Variants in AGPAT4 observed in about 807,000 individuals in gnomAD.
The protein encoded by AGPAT4 is 1-acyl-sn-glycerol-3-phosphate acyltransferase delta.
A neutral mutation model predicts 48.0 loss-of-function variants in AGPAT4; 15 were observed. The ratio of observed to expected loss-of-function variants is 0.31; its 90% confidence interval spans 0.21 to 0.48. The LOEUF is 0.48. Ranked by LOEUF, AGPAT4 falls within the 20% of genes least tolerant of loss-of-function variation. The pLI is 0.99. For synonymous variants in AGPAT4, 178 were observed against 198.7 expected, an observed-to-expected ratio of 0.90 and a Z score of 0.88; for missense variants, 314 against 482.5, an observed-to-expected ratio of 0.65 and a Z score of 3.27.
Position 161,267,647 on chromosome 6 carries a change from A to G in AGPAT4, c.-90+6291T>C, listed in dbSNP as rs1192720224. 2.0e-5 allele frequency among the ~76,000 whole-genome samples: 3 copies of G among 151,820 alleles called. No individual in the cohort carries two copies. Among genetic ancestry groups the G allele is most frequent in the African/African-American group, 7.3e-5 (3 of 41,322 alleles). On this transcript the variant is annotated intron_variant, in intron 1 of 8. Coordinates refer to ENST00000320285, the MANE Select transcript of AGPAT4 (RefSeq NM_020133.3). The surrounding 1 kb of genome is among the most constrained non-coding windows in gnomAD (Gnocchi z 5.2). ...TGAGGCAGGAGAATCGCTTGAACCC[A>G]GGAGGCAGAGGTTGCAGTGAGCCAA...
In AGPAT4 at chr6:161,146,984, G is replaced by A. The variant is rs12201823; in HGVS notation, c.768-385C>T. On this transcript the variant is annotated intron_variant, in intron 6 of 8. Coordinates refer to ENST00000320285, the MANE Select transcript of AGPAT4 (RefSeq NM_020133.3). The surrounding 1 kb of genome is among the most constrained non-coding windows in gnomAD (Gnocchi z 7.1). The stretch of plus-strand genomic sequence containing the variant: ...GAGACAATCCAATATACACAGAATC[G>A]ATGCATCAGAGACAATAACCTAGTA... 1.3e-5 allele frequency among the ~76,000 whole-genome samples: 2 copies of A among 152,216 alleles called. No homozygotes were observed. The highest frequency in any genetic ancestry group is 2.1e-4 in the South Asian group (1 of 4,824).
At chr6:161,247,972 ACT>A (rs1450778180) in intron 1 of AGPAT4, among the ~76,000 whole-genome samples, 2 of 117,216 alleles carry the variant, frequency 1.7e-5, no homozygotes, top group African/African-American at 3.6e-5. Context: ...ACAGAGTAAG[ACT>A]CTGTCTCAAA....
In AGPAT4 at chr6:161,154,443, T is replaced by C. The variant is rs1254784428; in HGVS notation, c.349-133A>G. 2 of 1,018,928 alleles carry C rather than the reference T, an allele frequency of 2.0e-6. No individual in the cohort carries two copies. Among genetic ancestry groups the C allele is most frequent in the East Asian group, 2.6e-5 (1 of 37,968 alleles). 63.1% of individuals were successfully genotyped at this position (1,018,928 alleles called of 1,614,324 possible). A position where few individuals can be genotyped will look rare whatever the true frequency, so the allele number is the denominator to read the frequency against. ...CGCCTCGGGACAGTCCCAGAACACATGCTGTCGAGGCCATGGACCCTGGTG... is the reference window on the plus strand; with the variant it reads ...CGCCTCGGGACAGTCCCAGAACACACGCTGTCGAGGCCATGGACCCTGGTG... On this transcript the variant is annotated intron_variant, in intron 3 of 8. Transcript: ENST00000320285. The surrounding 1 kb of genome is among the most constrained non-coding windows in gnomAD (Gnocchi z 7.8).
In AGPAT4 at chr6:161,136,306, C is replaced by A. The variant is rs1439655176; in HGVS notation, c.*234G>T. ...CACTCACCACACAGCCATTCTCACA[C>A]ACACTCGCACAAAAAGAAAACCAAA... On this transcript the variant is annotated 3_prime_UTR_variant, in exon 9 of 9. Transcript: ENST00000320285. 1 of 536,104 alleles carries A rather than the reference C, an allele frequency of 1.9e-6. No individual in the cohort carries two copies. The allele number at this position is 536,104 out of a possible 1,614,324, so 33.2% of individuals were successfully genotyped here. A position where few individuals can be genotyped will look rare whatever the true frequency, so the allele number is the denominator to read the frequency against.
intron 1 of AGPAT4, among the ~76,000 whole-genome samples, chr6:161,271,198 T>C (rs1169888218): frequency 6.6e-6 from 1 of 150,880 alleles, no homozygotes; most frequent in Non-Finnish European, 1.5e-5. Context: ...TCTCCCTTCT[T>C]GGAGTTAAGA....
In AGPAT4 at chr6:161,189,479, C is replaced by T. The variant is rs556534195; in HGVS notation, c.179-23062G>A. ...CTGTAGCCACACAGTGAGTGAGGCT[C>T]GTCACATGCGGAATTCACTTACTTA... On this transcript the variant is annotated intron_variant, in intron 2 of 8. Transcript: ENST00000320285. The surrounding 1 kb of genome is among the most constrained non-coding windows in gnomAD (Gnocchi z 5.3). Among the ~76,000 whole-genome samples, 3 of 152,292 alleles carry T rather than the reference C, an allele frequency of 2.0e-5. No individual in the cohort carries two copies. Among genetic ancestry groups the T allele is most frequent in the East Asian group, 1.9e-4 (1 of 5,188 alleles).
chr6:161,241,503 T>C (rs1782489746), intron 1 of AGPAT4, among the ~76,000 whole-genome samples: 1 of 152,156 alleles, frequency 6.6e-6, no homozygotes. Context: ...GTCAGGTCTA[T>C]GGAAAAGTGA....
rs1004733955 is a variant in AGPAT4 at position 161,197,288 on chromosome 6, G to A, written c.179-30871C>T. Among the ~76,000 whole-genome samples, 1 of 152,118 alleles carries A rather than the reference G, an allele frequency of 6.6e-6. No individual in the cohort carries two copies. Among genetic ancestry groups the A allele is most frequent in the African/African-American group, 2.4e-5 (1 of 41,408 alleles). ...GTAAGCCCTGACCTTGCACTGCTAG[G>A]GACATTAAAGAACTAGCGTTCCATA... On this transcript the variant is annotated intron_variant, in intron 2 of 8. Coordinates refer to ENST00000320285, the MANE Select transcript of AGPAT4 (RefSeq NM_020133.3). This position sits in a 1 kb window ranked among gnomAD's most constrained non-coding sequence, Gnocchi z 5.7.
chr6:161,198,056 C>G lies in AGPAT4; in HGVS notation c.179-31639G>C, dbSNP rs1044861647. On this transcript the variant is annotated intron_variant, in intron 2 of 8. Transcript: ENST00000320285. This position sits in a 1 kb window ranked among gnomAD's most constrained non-coding sequence, Gnocchi z 4.3. Reference sequence around the variant, plus strand: ...CTCATACTTCATTCTTCCCACTCTTCTTTTGTTTAATATTTTAAAATATTT... The same window carrying G: ...CTCATACTTCATTCTTCCCACTCTTGTTTTGTTTAATATTTTAAAATATTT... 6.6e-6 allele frequency among the ~76,000 whole-genome samples: 1 copy of G among 152,132 alleles called. No individual in the cohort carries two copies. Among genetic ancestry groups the G allele is most frequent in the Admixed American group, 6.6e-5 (1 of 15,266 alleles).
rs1349975272 is a variant in AGPAT4 at position 161,220,742 on chromosome 6, G to A, written c.178+11294C>T. ...TCCTACGCAGACTGCCCCATTGGTTGTGCAAAGCCATTCTGAAGACTCGGA... is the reference window on the plus strand; with the variant it reads ...TCCTACGCAGACTGCCCCATTGGTTATGCAAAGCCATTCTGAAGACTCGGA... On this transcript the variant is annotated intron_variant, in intron 2 of 8. Transcript: ENST00000320285. The surrounding 1 kb of genome is among the most constrained non-coding windows in gnomAD (Gnocchi z 6.0). Among the ~76,000 whole-genome samples the A allele has an allele frequency of 6.6e-6, 1 of 150,438 alleles. No homozygotes were observed. The highest frequency in any genetic ancestry group is 1.5e-5 in the Non-Finnish European group (1 of 66,974).
chr6:161,273,423 A>G (rs1237362216), intron 1 of AGPAT4, among the ~76,000 whole-genome samples: 1 of 152,206 alleles, frequency 6.6e-6, no homozygotes, highest in African/African-American at 2.4e-5. Context: ...AGAAAGCTGC[A>G]AACTAGACAC....
Position 161,154,022 on chromosome 6 carries a change from T to C in AGPAT4, c.510+127A>G, listed in dbSNP as rs1779686711. The stretch of plus-strand genomic sequence containing the variant: ...ATCCCTGAGGTTATACACAGCCCTA[T>C]GGTCACACACAGCCCTGGAGTCGCA... On this transcript the variant is annotated intron_variant, in intron 4 of 8. Transcript: ENST00000320285. This position sits in a 1 kb window ranked among gnomAD's most constrained non-coding sequence, Gnocchi z 7.8. 2 of 1,260,642 alleles carry C rather than the reference T, an allele frequency of 1.6e-6. No individual in the cohort carries two copies. Among genetic ancestry groups the C allele is most frequent in the African/African-American group, 3.0e-5 (2 of 66,144 alleles). The allele number at this position is 1,260,642 out of a possible 1,614,324, so 78.1% of individuals were successfully genotyped here.
At chr6:161,179,118 G>A (rs1003193702) in intron 2 of AGPAT4, among the ~76,000 whole-genome samples, 7 of 152,208 alleles carry the variant, frequency 4.6e-5, no homozygotes, top group Non-Finnish European at 8.8e-5. Context: ...ACCATTGCCT[G>A]CTATTCAGGG....
In AGPAT4 at chr6:161,135,127, A is replaced by G. The variant is rs3798225; in HGVS notation, c.*1413T>C. ...TAAATGAGCAAATAGCCAAAAACAT[A>G]ACTGCATAGAATAGGCCTTATAATG... On this transcript the variant is annotated 3_prime_UTR_variant, in exon 9 of 9. Transcript: ENST00000320285. 0.46 allele frequency: 69,646 copies of G among 152,090 alleles called. 17,229 individuals are homozygous for G. Among genetic ancestry groups the G allele is most frequent in the African/African-American group, 0.64 (26,538 of 41,476 alleles). 9.4% of individuals were successfully genotyped at this position (152,090 alleles called of 1,614,324 possible).
chr6:161,268,268 GTC>G (rs1783321111), intron 1 of AGPAT4, among the ~76,000 whole-genome samples: 2 of 152,338 alleles, frequency 1.3e-5, no homozygotes, highest in Admixed American at 1.3e-4. Context: ...TCACCTCAGT[GTC>G]TCTAATGACC....
In AGPAT4 at chr6:161,231,944, C is replaced by T. The variant is rs1273057554; in HGVS notation, c.178+92G>A. 3 of 1,325,794 alleles carry T rather than the reference C, an allele frequency of 2.3e-6. No individual in the cohort carries two copies. The highest frequency in any genetic ancestry group is 3.1e-6 in the Non-Finnish European group (3 of 975,180). The allele number at this position is 1,325,794 out of a possible 1,614,324, so 82.1% of individuals were successfully genotyped here. On this transcript the variant is annotated intron_variant, in intron 2 of 8. Coordinates refer to ENST00000320285, the MANE Select transcript of AGPAT4 (RefSeq NM_020133.3). The surrounding 1 kb of genome is among the most constrained non-coding windows in gnomAD (Gnocchi z 5.3). ...CAAAACAAAAAAACAGCTCGGCACA[C>T]AACGAAAGCCTAGTGAATCCATATC...
intron 2 of AGPAT4, among the ~76,000 whole-genome samples, chr6:161,228,244 G>T (rs1163018201): frequency 6.6e-6 from 1 of 152,216 alleles, no homozygotes; most frequent in Non-Finnish European, 1.5e-5. Flanking sequence ...GCTCGCCAAA[G>T]GTGACGCAGC....
intron 2 of AGPAT4, among the ~76,000 whole-genome samples, chr6:161,183,172 C>T (rs911750112): frequency 2.6e-5 from 4 of 152,182 alleles, no homozygotes; most frequent in African/African-American, 9.7e-5. Context: ...TTTCTGATGA[C>T]CCAGGCCTGG....
rs985629241 is a variant in AGPAT4 at position 161,223,693 on chromosome 6, A to G, written c.178+8343T>C. 1.8e-4 allele frequency among the ~76,000 whole-genome samples: 27 copies of G among 152,234 alleles called. No homozygotes were observed. The highest frequency in any genetic ancestry group is 4.4e-5 in the Non-Finnish European group (3 of 68,040). On this transcript the variant is annotated intron_variant, in intron 2 of 8. Transcript: ENST00000320285. The surrounding 1 kb of genome is among the most constrained non-coding windows in gnomAD (Gnocchi z 6.3). ...CCTCAGAGGCCACAGGTTTGAGAAC[A>G]CATCACTTACTACACTGACCAGTTG...
Sources: gnomAD v4.1 joint callset for allele counts (sites outside exome capture counted in the v4.1 genomes callset) on GRCh38, gnomAD v4.1.1 for gene constraint, Gnocchi (gnomAD v3.1) non-coding constraint, MANE v1.5 for transcripts, NCBI Gene and HGNC (gene_info 2026-07-23, HGNC 2026-07-21) for gene names.